PTAR1: variants seen among roughly 807,000 people sequenced by gnomAD.
PTAR1 encodes the protein protein prenyltransferase alpha subunit repeat-containing protein 1.
In PTAR1, 17 loss-of-function variants were observed where a neutral mutation model predicts 45.5. The ratio of observed to expected loss-of-function variants is 0.37; its 90% CI spans 0.26 to 0.56. The LOEUF (loss-of-function observed/expected upper bound fraction) is 0.56, where lower values mean the gene tolerates loss of function less well. Ranked by LOEUF, PTAR1 falls within the 20% of genes least tolerant of loss-of-function variation. The pLI, the probability that PTAR1 is intolerant of heterozygous loss-of-function variation, is 0.77. For missense variants in PTAR1, 391 were observed against 476.3 expected, an observed-to-expected ratio of 0.82 and a Z score of 1.67; for synonymous variants, 169 against 171.3, an observed-to-expected ratio of 0.99 and a Z score of 0.11.
intron 3 of PTAR1, among the ~76,000 whole-genome samples, chr9:69,740,389 T>C (rs1025464396): frequency 6.6e-6 from 1 of 152,006 alleles, no homozygotes; most frequent in African/African-American, 2.4e-5. Context: ...ATAACACGTG[T>C]GTATACACAT....
intron 3 of PTAR1, among the ~76,000 whole-genome samples, chr9:69,735,116 C>A (rs535510727): frequency 1.2e-4 from 18 of 152,248 alleles, no homozygotes; most frequent in African/African-American, 4.3e-4. Context: ...ATATACGAGG[C>A]CATTCCTTTT....
In PTAR1 at chr9:69,723,443, GCTT is replaced by G; in HGVS notation, c.827_829del (p.Glu276del). On this transcript the variant is annotated inframe_deletion, in exon 6 of 8. Transcript: ENST00000340434. ...CCTTGGTTCTTCTGTTGAAACTGCT[GCTT>G]CTTCATCTTTTGGAGGAACTAGGGC... is the stretch of plus-strand genomic sequence containing the variant. The G allele has an allele frequency of 1.2e-6, 2 of 1,613,870 alleles. No individual in the cohort carries two copies. The highest frequency in any genetic ancestry group is 1.7e-6 in the Non-Finnish European group (2 of 1,179,818).
chr9:69,723,138 A>ATG lies in PTAR1; in HGVS notation c.947+187_947+188insCA, dbSNP rs1564127865. On this transcript the variant is annotated intron_variant, in intron 6 of 7. Transcript: ENST00000340434. ...AGATCTACATGAGGAATCTCTTATT[A>ATG]ATGATGATGATGATGATGATGACGA... Among the ~76,000 whole-genome samples the ATG allele has an allele frequency of 4.3e-3, 16 of 3,726 alleles. No individual in the cohort carries two copies. The Admixed American group carries it at 0.1, about 23-fold the overall frequency. 2.4% of individuals were successfully genotyped at this position (3,726 alleles called of 152,430 possible).
chr9:69,741,102 TTGAAC>T (rs1462451343), intron 3 of PTAR1, among the ~76,000 whole-genome samples: 1 of 152,168 alleles, frequency 6.6e-6, no homozygotes, highest in Non-Finnish European at 1.5e-5. Flanking sequence ...GGCTCAGTCT[TTGAAC>T]TGGTTCTTGT....
Position 69,732,236 on chromosome 9 carries a change from T to C in PTAR1, c.545A>G (p.Glu182Gly). 1 of 1,613,772 alleles carries C rather than the reference T, an allele frequency of 6.2e-7. No individual in the cohort carries two copies. Among genetic ancestry groups the C allele is most frequent in the Non-Finnish European group, 8.5e-7 (1 of 1,179,760 alleles). ...RAQRLIQEEM[E>G]VCGEAAGRYP... ...TCTCCCTGCTGCTTCACCACAGACC[T>C]CCATCTCTTCTTGTATGAGTCGCTG... Residue 182 changes from glutamate to glycine, a missense_variant, in exon 5 of 8, where the codon GAG becomes GGG. This residue lies in a region of PTAR1 where 46 missense variants were observed against 39.6 expected (regional missense o/e 1.16). Transcript: ENST00000340434.
chr9:69,712,956 C>T lies in PTAR1; in HGVS notation c.*5386G>A, dbSNP rs1824582605. The T allele has an allele frequency of 6.6e-6, 1 of 152,078 alleles. No individual in the cohort carries two copies. The highest frequency in any genetic ancestry group is 1.5e-5 in the Non-Finnish European group (1 of 67,992). The allele number at this position is 152,078 out of a possible 1,614,324, so 9.4% of individuals were successfully genotyped here. Reference sequence around the variant, plus strand: ...TAGTTTATAAAAAATACGATCTATACTAAAATTTAAGAGCTAATAATATAT... The same window carrying T: ...TAGTTTATAAAAAATACGATCTATATTAAAATTTAAGAGCTAATAATATAT... On this transcript the variant is annotated 3_prime_UTR_variant, in exon 8 of 8. Transcript: ENST00000340434.
chr9:69,756,676 T>C (rs1826792218), intron 1 of PTAR1, among the ~76,000 whole-genome samples: 1 of 152,166 alleles, frequency 6.6e-6, no homozygotes, highest in Admixed American at 6.6e-5. Context: ...CAGACTTTAA[T>C]ACTTGGCTTA....
chr9:69,729,856 A>G (rs61737985), intron 5 of PTAR1, among the ~76,000 whole-genome samples: 82 of 152,344 alleles, frequency 5.4e-4, no homozygotes, highest in African/African-American at 1.9e-3. Flanking sequence ...CCTATTTTTA[A>G]AAGTGTGATA....
chr9:69,733,866 T>C (rs1393703630), intron 4 of PTAR1, among the ~76,000 whole-genome samples: 1 of 152,070 alleles, frequency 6.6e-6, no homozygotes, highest in Non-Finnish European at 1.5e-5. Flanking sequence ...ACTGTGGGAG[T>C]GTTACATGCA....
chr9:69,726,248 G>A (rs796589774), intron 5 of PTAR1, among the ~76,000 whole-genome samples: 68 of 152,108 alleles, frequency 4.5e-4, no homozygotes, highest in African/African-American at 1.6e-3. Flanking sequence ...TTCTATGTAT[G>A]CACATGCACA....
At chr9:69,722,666 T>C (rs950020061) in intron 6 of PTAR1, among the ~76,000 whole-genome samples, 1 of 149,542 alleles carries the variant, frequency 6.7e-6, no homozygotes, top group Non-Finnish European at 1.5e-5. Flanking sequence ...GGGCCAGGCA[T>C]GGTGGCTCAC....
chr9:69,728,025 C>G (rs1825366045), intron 5 of PTAR1, among the ~76,000 whole-genome samples: 1 of 152,250 alleles, frequency 6.6e-6, no homozygotes, highest in East Asian at 1.9e-4. Context: ...CTATTCTGAA[C>G]ATGTTATATA....
rs982094139 is a variant in PTAR1 at position 69,712,090 on chromosome 9, T to C, written c.*6252A>G. ...ATGCTCCTTGAATCAATATCTGCCATATGAAATTATATGACAAGTAAACCT... is the reference window on the plus strand; with the variant it reads ...ATGCTCCTTGAATCAATATCTGCCACATGAAATTATATGACAAGTAAACCT... On this transcript the variant is annotated 3_prime_UTR_variant, in exon 8 of 8. Transcript: ENST00000340434. 1 of 152,150 alleles carries C rather than the reference T, an allele frequency of 6.6e-6. No homozygotes were observed. The highest frequency in any genetic ancestry group is 1.5e-5 in the Non-Finnish European group (1 of 68,022). The allele number at this position is 152,150 out of a possible 1,614,324, so 9.4% of individuals were successfully genotyped here. A position where few individuals can be genotyped will look rare whatever the true frequency, so the allele number is the denominator to read the frequency against.
At chr9:69,720,818 T>A (rs1349914069) in intron 6 of PTAR1, among the ~76,000 whole-genome samples, 1 of 152,136 alleles carries the variant, frequency 6.6e-6, no homozygotes, top group Non-Finnish European at 1.5e-5. Context: ...GCACATCCGT[T>A]TAAAGAATGG....
chr9:69,719,934 T>A lies in PTAR1; in HGVS notation c.948-1250A>T, dbSNP rs1190927386. 2.6e-5 allele frequency among the ~76,000 whole-genome samples: 4 copies of A among 152,172 alleles called. No homozygotes were observed. In the East Asian group the frequency reaches 7.7e-4, roughly 29 times the overall value. On this transcript the variant is annotated intron_variant, in intron 6 of 7. Transcript: ENST00000340434. ...TGATAAACTGAACCAATAAATGTTG[T>A]GTGTGTTCTGATTGCTCCACCAACC...
At position 69,723,513 on chromosome 9, in the gene PTAR1, C is replaced by G; in HGVS notation, c.760G>C (p.Asp254His). 1 of 1,613,894 alleles carries G rather than the reference C, an allele frequency of 6.2e-7. No homozygotes were observed. Among genetic ancestry groups the G allele is most frequent in the Non-Finnish European group, 8.5e-7 (1 of 1,179,806 alleles). Residue 254 changes from aspartate (D) to histidine (H), a missense_variant, in exon 6 of 8, where the codon GAC (aspartate) becomes CAC (histidine). Asp to His is a moderately conservative substitution (Grantham distance 81, BLOSUM62 -1). This residue lies in a region of PTAR1 where 181 missense variants were observed against 227.7 expected (regional missense o/e 0.80). Coordinates refer to ENST00000340434, the MANE Select transcript of PTAR1 (RefSeq NM_001099666.2). ...GGATTTTGCTCCATCACAGAACTGT[C>G]TATCACAGTTTGGCTAATCAAAGAC... ...LKSLISQTVI[D>H]SSVMEQNPLR...
intron 5 of PTAR1, among the ~76,000 whole-genome samples, chr9:69,727,959 G>C (rs1825363057): frequency 1.3e-5 from 2 of 151,980 alleles, no homozygotes; most frequent in Non-Finnish European, 2.9e-5. Flanking sequence ...ATTCCTATTA[G>C]AAGTTACATC....
At chr9:69,726,563 T>C (rs1361111410) in intron 5 of PTAR1, among the ~76,000 whole-genome samples, 1 of 152,074 alleles carries the variant, frequency 6.6e-6, no homozygotes, top group Non-Finnish European at 1.5e-5. Context: ...GCAGAAAGAC[T>C]GTATAATTTA....
At chr9:69,744,614 G>A (rs1237692743) in intron 2 of PTAR1, among the ~76,000 whole-genome samples, 1 of 152,056 alleles carries the variant, frequency 6.6e-6, no homozygotes, top group East Asian at 1.9e-4. Context: ...TTGAACTCCC[G>A]AGCTCAGGTG....
Sources: allele counts gnomAD v4.1 joint callset (sites outside exome capture counted in the v4.1 genomes callset), GRCh38; gene constraint gnomAD v4.1.1; regional missense constraint gnomAD v4.1.1; transcripts MANE v1.5; gene names NCBI Gene and HGNC (gene_info 2026-07-23, HGNC 2026-07-21).